The following TMEM150B variants were observed in gnomAD, a reference collection of about 807,000 sequenced individuals.
TMEM150B encodes modulator of macroautophagy TMEM150B.
A neutral mutation model predicts 25.2 loss-of-function variants in TMEM150B; 33 were observed. The observed-to-expected ratio is 1.31, with a 90% CI of 0.99 to 1.75. The LOEUF (loss-of-function observed/expected upper bound fraction) is 1.75, where lower values mean the gene tolerates loss of function less well. TMEM150B is among the 40% of genes most tolerant of loss of function. The pLI, the probability that TMEM150B is intolerant of heterozygous loss-of-function variation, is 0.00. For synonymous variants in TMEM150B, 133 were observed against 134.8 expected (o/e 0.99, Z 0.09); for missense variants, 322 against 306.1 (o/e 1.05, Z -0.39).
chr19:55,312,220 T>G, downstream of TMEM150B: 1 of 408,968 alleles, frequency 2.4e-6, no homozygotes. Flanking sequence ...CCACAGGCCG[T>G]GCCCAACTGG....
intron 6 of TMEM150B, 89 bp from the exon 7 acceptor site, chr19:55,317,055 A>T (rs1568999599): frequency 8.0e-7 from 1 of 1,249,466 alleles, no homozygotes. Flanking sequence ...CCAATGCAGT[A>T]GACAGTGGTC....
chr19:55,317,525 A>T (rs1456161495), intron 6 of TMEM150B, among the ~76,000 whole-genome samples: 2 of 152,116 alleles, frequency 1.3e-5, no homozygotes. Flanking sequence ...CACACCTGTA[A>T]TCTCAGCACT....
At chr19:55,319,755 AT>A in intron 6 of TMEM150B, 1 of 1,236,244 alleles carries the variant, frequency 8.1e-7, no homozygotes. Context: ...TGGACCAGTA[AT>A]TTCATCATTA....
intron 7 of TMEM150B, 147 bp from the exon 8 acceptor site, chr19:55,313,202 C>A: frequency 5.0e-6 from 4 of 806,238 alleles, no homozygotes; most frequent in South Asian, 3.7e-5. Context: ...ACAGACGGGG[C>A]CTCGCCTTGG....
chr19:55,316,964 T>C lies in TMEM150B; in HGVS notation c.327A>G (p.Glu109=). ...CCAAGTGCGTAGGCCGCTGGTTCTT[T>C]TCCTGGGAGGAGAAGGGAGAAGTTG... is the stretch of plus-strand genomic sequence containing the variant. ...LGTSVVGNFQ[E]KNQRPTHLAG... Residue 109 remains glutamate (E), a splice_region_variant and synonymous_variant, in exon 7 of 8, where the codon GAA becomes GAG. Transcript: ENST00000326652. 1.3e-6 allele frequency: 2 copies of C among 1,597,536 alleles called. No individual in the cohort carries two copies. Among genetic ancestry groups the C allele is most frequent in the Non-Finnish European group, 8.5e-7 (1 of 1,174,202 alleles).
intron 6 of TMEM150B, 35 bp downstream of exon 6, chr19:55,320,004 G>A (rs763529610): frequency 4.0e-5 from 65 of 1,613,442 alleles, no homozygotes; most frequent in Non-Finnish European, 5.0e-5. Context: ...CCAGACGCCG[G>A]CCGGGACAGA....
intron 7 of TMEM150B, among the ~76,000 whole-genome samples, chr19:55,313,967 A>T (rs2088903851): frequency 6.6e-6 from 1 of 152,232 alleles, no homozygotes; most frequent in Non-Finnish European, 1.5e-5. Flanking sequence ...TGGGAGGCCA[A>T]GGTGGGAGGA....
intron 7 of TMEM150B, among the ~76,000 whole-genome samples, chr19:55,313,682 A>C (rs990321323): frequency 1.3e-5 from 2 of 151,378 alleles, no homozygotes; most frequent in African/African-American, 4.9e-5. Flanking sequence ...TGCCTTACCC[A>C]TCTCTCTCCA....
At chr19:55,324,858 A>C (rs2089294642) in intron 1 of TMEM150B, 1 of 985,068 alleles carries the variant, frequency 1.0e-6, no homozygotes, top group Non-Finnish European at 1.2e-6. Context: ...CCTCAGGGGA[A>C]TCCCTGTCTG....
downstream of TMEM150B, chr19:55,311,921 C>T (rs1221252325): frequency 7.4e-6 from 12 of 1,611,608 alleles, no homozygotes; most frequent in Middle Eastern, 1.6e-4. Context: ...ACGAGAAGAA[C>T]GGGGCCCAGA....
At chr19:55,324,861 C>T (rs2089294755) in intron 1 of TMEM150B, 12 of 985,102 alleles carry the variant, frequency 1.2e-5, no homozygotes, top group Non-Finnish European at 1.4e-5. Context: ...CAGGGGAATC[C>T]CTGTCTGTGG....
At position 55,323,185 on chromosome 19, in the gene TMEM150B, A is replaced by G. The variant is rs140707387; in HGVS notation, c.-153-442T>C. Reference sequence around the variant, plus strand: ...GGCGGCTCACGCCTGTAATCCCAGCAGTTTGGGAGACCAAGGTGGGCAGAT... The same window carrying G: ...GGCGGCTCACGCCTGTAATCCCAGCGGTTTGGGAGACCAAGGTGGGCAGAT... On this transcript the variant is annotated intron_variant, in intron 1 of 7. Coordinates refer to ENST00000326652, the MANE Select transcript of TMEM150B (RefSeq NM_001282011.2). 2.0e-5 allele frequency among the ~76,000 whole-genome samples: 3 copies of G among 152,290 alleles called. No homozygotes were observed. The East Asian group carries it at 5.8e-4, about 30-fold the overall frequency.
chr19:55,324,878 C>T, intron 1 of TMEM150B: 1 of 985,328 alleles, frequency 1.0e-6, no homozygotes, highest in Non-Finnish European at 1.2e-6. Context: ...GTGGGCAACA[C>T]AGATGATCAG....
rs573333975 is a variant in TMEM150B at position 55,322,491 on chromosome 19, G to A, written c.-58+157C>T. Among the ~76,000 whole-genome samples, 20 of 152,110 alleles carry A rather than the reference G, an allele frequency of 1.3e-4. 1 individual carries two copies. Among genetic ancestry groups the A allele is most frequent in the African/African-American group, 4.3e-4 (18 of 41,514 alleles). On this transcript the variant is annotated intron_variant, in intron 2 of 7. Coordinates refer to ENST00000326652, the MANE Select transcript of TMEM150B (RefSeq NM_001282011.2). Reference sequence around the variant, plus strand: ...AGGCAGACGTCACGGGTGGGGGTCTGATCTAATCGGCCAGCTGTCCTCCAC... The same window carrying A: ...AGGCAGACGTCACGGGTGGGGGTCTAATCTAATCGGCCAGCTGTCCTCCAC...
chr19:55,312,942 C>A lies in TMEM150B; in HGVS notation c.619G>T (p.Glu207Ter), dbSNP rs765992550. Residue 207 changes from glutamate to a stop codon, truncating the protein, a stop_gained, in exon 8 of 8, where the codon GAG (glutamate) becomes TAG (stop). Transcript: ENST00000326652. LOFTEE classifies it low-confidence loss of function (END_TRUNC). ...GLLAVDFSAL[E>*]SCTLCVQPWP... ...GGCTGAACACACAGGGTGCAGCTCT[C>A]CAGGGCGGAGAAGTCAACGGCTAAG... 3.1e-6 allele frequency: 5 copies of A among 1,612,772 alleles called. No individual in the cohort carries two copies. Among genetic ancestry groups the A allele is most frequent in the Non-Finnish European group, 4.2e-6 (5 of 1,179,648 alleles).
At chr19:55,322,285 G>T (rs1000985013) in intron 2 of TMEM150B, among the ~76,000 whole-genome samples, 2 of 152,138 alleles carry the variant, frequency 1.3e-5, no homozygotes, top group Non-Finnish European at 2.9e-5. Flanking sequence ...CCAGCCAGCA[G>T]GGACAGGGAC....
chr19:55,316,032 C>G (rs184852086), intron 7 of TMEM150B, among the ~76,000 whole-genome samples: 154 of 152,250 alleles, frequency 1.0e-3, no homozygotes, highest in African/African-American at 3.3e-3. Flanking sequence ...TAGAAGTACA[C>G]TGTGCTGGTG....
At chr19:55,323,991 A>G (rs2089272646) in intron 1 of TMEM150B, among the ~76,000 whole-genome samples, 1 of 148,482 alleles carries the variant, frequency 6.7e-6, no homozygotes, top group African/African-American at 2.5e-5. Context: ...ATTTTTTGAT[A>G]AAGACAGAGT....
At chr19:55,323,290 G>C (rs892234722) in intron 1 of TMEM150B, among the ~76,000 whole-genome samples, 3 of 151,940 alleles carry the variant, frequency 2.0e-5, no homozygotes, top group Non-Finnish European at 2.9e-5. Context: ...AAATTAGCTG[G>C]GTGTGGTGGC....
Sources: gnomAD v4.1 joint callset for allele counts (sites outside exome capture counted in the v4.1 genomes callset) on GRCh38, gnomAD v4.1.1 for gene constraint, MANE v1.5 for transcripts, NCBI Gene and HGNC (gene_info 2026-07-23, HGNC 2026-07-21) for gene names.